NKAIN3: variants seen among roughly 807,000 people sequenced by gnomAD.
The protein encoded by NKAIN3 is sodium/potassium transporting ATPase interacting 3, also known as sodium/potassium-transporting ATPase subunit beta-1-interacting protein 3.
In NKAIN3, 25 loss-of-function variants were observed where a neutral mutation model predicts 30.2. That is an observed-to-expected ratio of 0.83 (90% CI 0.60 to 1.16). NKAIN3 has a LOEUF of 1.16. Among genes scored for constraint, NKAIN3 ranks in the 50% most tolerant of loss-of-function variants. The pLI is 0.00. For synonymous variants in NKAIN3, 91 were observed against 89.6 expected (o/e 1.02, Z -0.09); for missense variants, 225 against 254.1 (o/e 0.89, Z 0.78).
chr8:62,272,050 A>G (rs557642957), intron 1 of NKAIN3, among the ~76,000 whole-genome samples: 1 of 152,348 alleles, frequency 6.6e-6, no homozygotes, highest in South Asian at 2.1e-4. Context: ...CAGTAGAATC[A>G]TAGATTCTAC....
At chr8:62,514,830 G>C (rs761175752) in intron 1 of NKAIN3, among the ~76,000 whole-genome samples, 1 of 152,058 alleles carries the variant, frequency 6.6e-6, no homozygotes, top group Non-Finnish European at 1.5e-5. Flanking sequence ...CTCCTGAATC[G>C]TCAACATTCA....
intron 1 of NKAIN3, among the ~76,000 whole-genome samples, chr8:62,523,504 T>G (rs1162573737): frequency 6.6e-6 from 1 of 152,158 alleles, no homozygotes; most frequent in African/African-American, 2.4e-5. Context: ...TTAAAGCAGT[T>G]CAGTCAAAAG....
chr8:62,854,778 T>C (rs1820011090), intron 4 of NKAIN3, among the ~76,000 whole-genome samples: 1 of 152,228 alleles, frequency 6.6e-6, no homozygotes, highest in African/African-American at 2.4e-5. Context: ...GTTTATGTGG[T>C]TACTTCATAG....
At chr8:62,841,381 G>A (rs1819527259) in intron 4 of NKAIN3, among the ~76,000 whole-genome samples, 1 of 151,810 alleles carries the variant, frequency 6.6e-6, no homozygotes, top group Admixed American at 6.6e-5. Flanking sequence ...TATTGGCTAT[G>A]GTCACCCTGC....
Position 62,468,004 on chromosome 8 carries a change from C to G in NKAIN3, c.55-111535C>G, listed in dbSNP as rs779200402. On this transcript the variant is annotated intron_variant, in intron 1 of 6. Transcript: ENST00000623646. ...CCCAGGCTGGTCTTCAATTCCTGAG[C>G]TCCAGTGATCCACCCGCCTCAGAGT... Among the ~76,000 whole-genome samples the G allele has an allele frequency of 5.7e-4, 86 of 152,212 alleles. No individual in the cohort carries two copies. The Middle Eastern group carries it at 0.014, about 24-fold the overall frequency.
At chr8:62,852,098 G>C (rs1024533934) in intron 4 of NKAIN3, among the ~76,000 whole-genome samples, 3 of 151,990 alleles carry the variant, frequency 2.0e-5, no homozygotes, top group Admixed American at 2.0e-4. Context: ...ACTTTTTTTG[G>C]TTGGTAAGCT....
Position 62,972,482 on chromosome 8 carries a change from A to T in NKAIN3, c.*7075A>T, listed in dbSNP as rs1823855279. Among the ~76,000 whole-genome samples, 1 of 152,182 alleles carries T rather than the reference A, an allele frequency of 6.6e-6. No homozygotes were observed. Among genetic ancestry groups the T allele is most frequent in the Non-Finnish European group, 1.5e-5 (1 of 68,040 alleles). On this transcript the variant is annotated 3_prime_UTR_variant, in exon 7 of 7. Transcript: ENST00000623646. The stretch of plus-strand genomic sequence containing the variant: ...TCCTAGTTTTTCAAATAGAAAAGTG[A>T]TACTAACATCAATAATTAAACTTCC...
intron 1 of NKAIN3, among the ~76,000 whole-genome samples, chr8:62,313,766 G>A (rs140964902): frequency 1.1e-4 from 17 of 152,194 alleles, no homozygotes; most frequent in Non-Finnish European, 2.4e-4. Context: ...TTTCAAAGAA[G>A]ACAAACAGCA....
chr8:62,283,583 A>G (rs1813273712), intron 1 of NKAIN3, among the ~76,000 whole-genome samples: 1 of 152,164 alleles, frequency 6.6e-6, no homozygotes, highest in Non-Finnish European at 1.5e-5. Flanking sequence ...TTGAAGTTAT[A>G]TACCATATTT....
intron 4 of NKAIN3, chr8:62,863,620 C>A: frequency 8.4e-7 from 1 of 1,196,872 alleles, no homozygotes; most frequent in Non-Finnish European, 1.2e-6. Context: ...CGAGCTGGAT[C>A]ACCATGTCTT....
intron 4 of NKAIN3, among the ~76,000 whole-genome samples, chr8:62,905,184 A>G (rs16929812): frequency 0.15 from 22,409 of 152,160 alleles, 2,125 homozygotes; most frequent in African/African-American, 0.25. Flanking sequence ...GGGTTTGTGC[A>G]TGCAGAGATG....
chr8:62,294,338 G>T (rs1307501210), intron 1 of NKAIN3, among the ~76,000 whole-genome samples: 1 of 152,142 alleles, frequency 6.6e-6, no homozygotes, highest in Non-Finnish European at 1.5e-5. Context: ...TTCCTATTCA[G>T]CCATCTTCAG....
At chr8:62,890,935 A>G (rs1333374688) in intron 4 of NKAIN3, among the ~76,000 whole-genome samples, 2 of 152,204 alleles carry the variant, frequency 1.3e-5, no homozygotes, top group African/African-American at 4.8e-5. Context: ...TCCTTTGAAG[A>G]CTACCAGATG....
rs35791396 is a variant in NKAIN3, at chr8:62,589,875, TTGTG to T, written c.273+119_273+122del. On this transcript the variant is annotated intron_variant, in intron 3 of 6. Coordinates refer to ENST00000623646, the MANE Select transcript of NKAIN3 (RefSeq NM_001304533.3). ...GTGACTACATACATATATAGGTATA[TTGTG>T]TGTGTGTGTGTGTGTGTGTGTGTGT... The T allele has an allele frequency of 1.7e-3, 739 of 429,756 alleles. 1 individual carries two copies. Among genetic ancestry groups the T allele is most frequent in the African/African-American group, 6.0e-3 (275 of 45,562 alleles). The allele number at this position is 429,756 out of a possible 1,614,324, so 26.6% of individuals were successfully genotyped here. A position where few individuals can be genotyped will look rare whatever the true frequency, so the allele number is the denominator to read the frequency against.
rs1044272037 is a variant in NKAIN3, at chr8:62,975,369, A to G, written c.*9962A>G. ...TGTTATTGGTCTATTCAGGGATTCA[A>G]CTTCTTCCTGGGTTAGTCATGGTAG... On this transcript the variant is annotated 3_prime_UTR_variant, in exon 7 of 7. Transcript: ENST00000623646. Among the ~76,000 whole-genome samples the G allele has an allele frequency of 2.0e-5, 3 of 152,098 alleles. No homozygotes were observed. The highest frequency in any genetic ancestry group is 4.8e-5 in the African/African-American group (2 of 41,396).
At chr8:62,786,737 A>C (rs1409829964) in intron 4 of NKAIN3, among the ~76,000 whole-genome samples, 1 of 152,184 alleles carries the variant, frequency 6.6e-6, no homozygotes, top group African/African-American at 2.4e-5. Flanking sequence ...AAAGCAACAT[A>C]AGCTTTTACC....
chr8:62,464,494 A>G (rs1003093929), intron 1 of NKAIN3, among the ~76,000 whole-genome samples: 1 of 152,208 alleles, frequency 6.6e-6, no homozygotes, highest in African/African-American at 2.4e-5. Context: ...ATCAGTTACT[A>G]TGTGGGCCGT....
chr8:62,904,569 A>G (rs1310265700), intron 4 of NKAIN3, among the ~76,000 whole-genome samples: 1 of 152,226 alleles, frequency 6.6e-6, no homozygotes, highest in African/African-American at 2.4e-5. Flanking sequence ...GCACACAAGC[A>G]GAGCTGGAGT....
intron 3 of NKAIN3, among the ~76,000 whole-genome samples, chr8:62,636,338 C>T (rs1812127050): frequency 6.6e-6 from 1 of 152,090 alleles, no homozygotes; most frequent in Non-Finnish European, 1.5e-5. Flanking sequence ...AATAAGGTAG[C>T]CTGTGAAGAC....
Sources: allele counts gnomAD v4.1 joint callset (sites outside exome capture counted in the v4.1 genomes callset), GRCh38; gene constraint gnomAD v4.1.1; transcripts MANE v1.5; gene names NCBI Gene and HGNC (gene_info 2026-07-23, HGNC 2026-07-21).